Variants in ENOX1 observed in about 807,000 individuals in gnomAD.
The protein encoded by ENOX1 is candidate growth-related and time keeping constitutive hydroquinone (NADH) oxidase.
In ENOX1, 42 loss-of-function variants were observed where a neutral mutation model predicts 82.5. That is an observed-to-expected ratio of 0.51 (90% CI 0.40 to 0.66). The LOEUF (loss-of-function observed/expected upper bound fraction) is 0.66, where lower values mean the gene tolerates loss of function less well. Ranked by LOEUF, ENOX1 falls within the 30% of genes least tolerant of loss-of-function variation. The pLI, the probability that ENOX1 is intolerant of heterozygous loss-of-function variation, is 0.00. For missense variants in ENOX1, 608 were observed against 811.6 expected (o/e 0.75, Z 3.05); for synonymous variants, 271 against 282.2 (o/e 0.96, Z 0.40).
chr13:43,428,119 G>A (rs6561125), intron 3 of ENOX1, among the ~76,000 whole-genome samples: 2,402 of 152,166 alleles, frequency 0.016, 69 homozygotes, highest in African/African-American at 0.054. Flanking sequence ...TCAAACTCTC[G>A]ACTTCAGTTT....
intron 2 of ENOX1, among the ~76,000 whole-genome samples, chr13:43,640,950 A>G (rs947425263): frequency 5.3e-5 from 8 of 152,010 alleles, no homozygotes; most frequent in African/African-American, 1.9e-4. Flanking sequence ...AACCTACAGC[A>G]AAATCAACCT....
intron 1 of ENOX1, among the ~76,000 whole-genome samples, chr13:43,721,054 T>C (rs927261144): frequency 7.2e-5 from 11 of 152,160 alleles, no homozygotes; most frequent in African/African-American, 2.4e-4. Context: ...CCTTCCTTAT[T>C]TACCGGTAGT....
At chr13:43,363,871 A>G (rs1457216874) in intron 5 of ENOX1, among the ~76,000 whole-genome samples, 1 of 152,224 alleles carries the variant, frequency 6.6e-6, no homozygotes, top group East Asian at 1.9e-4. Context: ...CTCTTGTACA[A>G]CGTATTTTAA....
At chr13:43,228,397 A>G (rs1394839072) in intron 15 of ENOX1, among the ~76,000 whole-genome samples, 1 of 152,184 alleles carries the variant, frequency 6.6e-6, no homozygotes, top group Non-Finnish European at 1.5e-5. Context: ...AAAAGTGGAA[A>G]AAAAATTTTA....
intron 13 of ENOX1, among the ~76,000 whole-genome samples, chr13:43,266,256 A>G (rs2044362707): frequency 6.6e-6 from 1 of 152,198 alleles, no homozygotes; most frequent in Non-Finnish European, 1.5e-5. Flanking sequence ...CTCCTCCATT[A>G]TCTTTTTTAT....
chr13:43,639,541 TA>T (rs1234325243), intron 2 of ENOX1, among the ~76,000 whole-genome samples: 1 of 152,184 alleles, frequency 6.6e-6, no homozygotes, highest in African/African-American at 2.4e-5. Context: ...CTGATGCAGA[TA>T]GCCTCAGTTA....
intron 2 of ENOX1, among the ~76,000 whole-genome samples, chr13:43,506,190 C>G (rs2077155194): frequency 6.6e-6 from 1 of 151,946 alleles, no homozygotes; most frequent in African/African-American, 2.4e-5. Flanking sequence ...TAGCATGATG[C>G]CTCCAGCTTT....
At chr13:43,234,169 T>C (rs1488574844) in intron 15 of ENOX1, among the ~76,000 whole-genome samples, 3 of 152,170 alleles carry the variant, frequency 2.0e-5, no homozygotes, top group African/African-American at 2.4e-5. Flanking sequence ...TAGGATCATT[T>C]AGTGGCAGGC....
intron 2 of ENOX1, among the ~76,000 whole-genome samples, chr13:43,615,838 C>G (rs144068342): frequency 6.6e-6 from 1 of 151,578 alleles, no homozygotes; most frequent in Non-Finnish European, 1.5e-5. Flanking sequence ...TGAGGACATG[C>G]GGTGTTCAGT....
chr13:43,239,396 G>T (rs1285995814), intron 14 of ENOX1, among the ~76,000 whole-genome samples: 1 of 152,156 alleles, frequency 6.6e-6, no homozygotes, highest in Non-Finnish European at 1.5e-5. Context: ...ACTCCTCTAG[G>T]AGGCAGAAGA....
intron 2 of ENOX1, among the ~76,000 whole-genome samples, chr13:43,552,158 C>T (rs768555199): frequency 3.9e-5 from 6 of 151,944 alleles, no homozygotes; most frequent in African/African-American, 7.3e-5. Flanking sequence ...AATAAAACAC[C>T]GAAGTATTCA....
rs553920904 is a variant in ENOX1, at chr13:43,687,330, G to A, written c.-284-19786C>T. On this transcript the variant is annotated intron_variant, in intron 1 of 16. Transcript: ENST00000690772. ...CCTCTATTCTTTGTGACTGAAAATGGCTGACACAGTCATATTGGACGGGGG... is the reference window on the plus strand; with the variant it reads ...CCTCTATTCTTTGTGACTGAAAATGACTGACACAGTCATATTGGACGGGGG... Among the ~76,000 whole-genome samples the A allele has an allele frequency of 6.6e-5, 10 of 152,294 alleles. No homozygotes were observed. In the South Asian group the frequency reaches 2.1e-3, roughly 32 times the overall value.
chr13:43,336,739 G>T (rs996480017), intron 9 of ENOX1, among the ~76,000 whole-genome samples: 1 of 152,176 alleles, frequency 6.6e-6, no homozygotes, highest in African/African-American at 2.4e-5. Flanking sequence ...AAGAACTGTG[G>T]AATCTTAAGG....
intron 1 of ENOX1, among the ~76,000 whole-genome samples, chr13:43,694,817 T>C (rs1178516623): frequency 1.3e-5 from 2 of 152,188 alleles, no homozygotes; most frequent in African/African-American, 4.8e-5. Flanking sequence ...AACCCAAGTT[T>C]TCTCCCGTTT....
intron 1 of ENOX1, among the ~76,000 whole-genome samples, chr13:43,710,827 T>C (rs764587696): frequency 1.1e-4 from 16 of 151,354 alleles, no homozygotes; most frequent in Non-Finnish European, 1.8e-4. Context: ...AATAATCAAG[T>C]AGAAAAATAG....
chr13:43,663,295 T>C (rs1214984457), intron 2 of ENOX1, among the ~76,000 whole-genome samples: 2 of 152,200 alleles, frequency 1.3e-5, no homozygotes, highest in Non-Finnish European at 2.9e-5. Context: ...ATTTGATTTC[T>C]GCCTTCCTAT....
At chr13:43,353,078 A>G (rs1164332576) in intron 8 of ENOX1, among the ~76,000 whole-genome samples, 1 of 151,946 alleles carries the variant, frequency 6.6e-6, no homozygotes, top group Non-Finnish European at 1.5e-5. Flanking sequence ...CTGATTAACG[A>G]ATACTTCTTG....
At chr13:43,666,427 A>G (rs1197772960) in intron 2 of ENOX1, among the ~76,000 whole-genome samples, 1 of 152,220 alleles carries the variant, frequency 6.6e-6, no homozygotes, top group East Asian at 1.9e-4. Flanking sequence ...CCCTAATCCA[A>G]TATGACTGGT....
chr13:43,561,386 T>G (rs1479707381), intron 2 of ENOX1, among the ~76,000 whole-genome samples: 1 of 152,092 alleles, frequency 6.6e-6, no homozygotes, highest in Non-Finnish European at 1.5e-5. Flanking sequence ...GATAACTGTG[T>G]TACTCGGAGT....
Sources: gnomAD v4.1 joint callset for allele counts (sites outside exome capture counted in the v4.1 genomes callset) on GRCh38, gnomAD v4.1.1 for gene constraint, MANE v1.5 for transcripts, NCBI Gene and HGNC (gene_info 2026-07-23, HGNC 2026-07-21) for gene names.